Variants in ROR1 observed in about 807,000 individuals in gnomAD.
ROR1 encodes the protein inactive tyrosine-protein kinase transmembrane receptor ROR1.
Under a neutral mutation model 78.8 loss-of-function variants are expected in ROR1, and 19 were observed. The observed-to-expected ratio is 0.24, with a 90% CI of 0.17 to 0.35. ROR1 has a LOEUF of 0.35. ROR1 is among the 10% of genes least tolerant of loss of function. The probability of loss-of-function intolerance (pLI) is 1.00; values close to 1 mark genes in which losing one functional copy is unlikely to be tolerated. For synonymous variants in ROR1, 386 were observed against 433.6 expected (o/e 0.89, Z 1.36); for missense variants, 917 against 1,177.8 (o/e 0.78, Z 3.24).
chr1:63,870,403 T>A (rs572456566), intron 1 of ROR1, among the ~76,000 whole-genome samples: 27 of 152,314 alleles, frequency 1.8e-4, no homozygotes, highest in Admixed American at 7.8e-4. Flanking sequence ...CAGGCTTCAT[T>A]GTCCAAGGCT....
At chr1:64,023,828 G>T (rs1275715253) in intron 2 of ROR1, among the ~76,000 whole-genome samples, 3 of 152,056 alleles carry the variant, frequency 2.0e-5, no homozygotes, top group Non-Finnish European at 4.4e-5. Flanking sequence ...ATATGGTTTG[G>T]CTCTGTGTCC....
rs375873467 is a variant in ROR1, at chr1:64,166,837, G to A, written c.1386+7645G>A. ...GGGTGGAGAAGGTCTGACAGTGAGG[G>A]CTGGGAGGCTGCCCGGTACATAACC... is the stretch of plus-strand genomic sequence containing the variant. On this transcript the variant is annotated intron_variant, in intron 8 of 8. Transcript: ENST00000371079. Among the ~76,000 whole-genome samples the A allele has an allele frequency of 3.5e-4, 53 of 152,286 alleles. 3 individuals are homozygous for A. In the South Asian group the frequency reaches 4.8e-3, roughly 14 times the overall value.
intron 1 of ROR1, among the ~76,000 whole-genome samples, chr1:63,841,879 C>T (rs1645051763): frequency 6.6e-6 from 1 of 151,998 alleles, no homozygotes; most frequent in African/African-American, 2.4e-5. Flanking sequence ...ATCTTTAATC[C>T]AACTCTTCTC....
chr1:64,175,014 T>C (rs1010994151), intron 8 of ROR1, among the ~76,000 whole-genome samples: 13 of 150,550 alleles, frequency 8.6e-5, no homozygotes, highest in Non-Finnish European at 1.5e-4. Flanking sequence ...GTTTTTTTTT[T>C]TTTAAAAAAA....
chr1:64,035,587 T>C (rs1646695934), intron 2 of ROR1, among the ~76,000 whole-genome samples: 1 of 152,164 alleles, frequency 6.6e-6, no homozygotes, highest in African/African-American at 2.4e-5. Flanking sequence ...GAATTTGCAA[T>C]TGGAACTCAG....
chr1:63,948,548 C>G (rs1645909143), intron 1 of ROR1, among the ~76,000 whole-genome samples: 1 of 152,120 alleles, frequency 6.6e-6, no homozygotes, highest in South Asian at 2.1e-4. Flanking sequence ...AGTAGATGTT[C>G]AGTAAAGAAG....
chr1:64,026,487 C>CA (rs1646610807), intron 2 of ROR1, among the ~76,000 whole-genome samples: 2 of 152,146 alleles, frequency 1.3e-5, no homozygotes, highest in Non-Finnish European at 1.5e-5. Flanking sequence ...ACTGTGTATG[C>CA]TGTATTCAAA....
At chr1:64,090,375 T>C (rs1349005507) in intron 4 of ROR1, among the ~76,000 whole-genome samples, 1 of 152,202 alleles carries the variant, frequency 6.6e-6, no homozygotes, top group Non-Finnish European at 1.5e-5. Flanking sequence ...CATTAGTTGA[T>C]GCATTGAAAC....
rs374951293 is a variant in ROR1, at chr1:63,866,420, C to T, written c.91+91912C>T. On this transcript the variant is annotated intron_variant, in intron 1 of 8. Coordinates refer to ENST00000371079, the MANE Select transcript of ROR1 (RefSeq NM_005012.4). ...ATTGCAAAACCCACCAAGGTGTCTA[C>T]GACATCTCCCCAAATGACTTGGAAT... Among the ~76,000 whole-genome samples, 104 of 152,284 alleles carry T rather than the reference C, an allele frequency of 6.8e-4. No homozygotes were observed. The East Asian group carries it at 9.3e-3, about 14-fold the overall frequency.
intron 1 of ROR1, among the ~76,000 whole-genome samples, chr1:63,894,727 G>A (rs1240263901): frequency 6.6e-6 from 1 of 152,198 alleles, no homozygotes; most frequent in Non-Finnish European, 1.5e-5. Context: ...ACTGGGTAGT[G>A]AGTTGGCAAA....
At chr1:64,024,898 T>A (rs1186088165) in intron 2 of ROR1, among the ~76,000 whole-genome samples, 1 of 152,228 alleles carries the variant, frequency 6.6e-6, no homozygotes, top group African/African-American at 2.4e-5. Flanking sequence ...AGTTTATCTC[T>A]AACATATTAA....
intron 8 of ROR1, among the ~76,000 whole-genome samples, chr1:64,173,757 A>G (rs1016176774): frequency 1.3e-5 from 2 of 152,208 alleles, no homozygotes; most frequent in African/African-American, 2.4e-5. Context: ...CCCCAAGGCC[A>G]TGTGTAGGGC....
At chr1:63,940,482 C>T (rs201630658) in intron 1 of ROR1, among the ~76,000 whole-genome samples, 3 of 81,616 alleles carry the variant, frequency 3.7e-5, no homozygotes, top group Non-Finnish European at 6.1e-5. Flanking sequence ...GATAGATAGA[C>T]AGATAGATAG....
In ROR1 at chr1:64,079,470, A is replaced by AC. The variant is rs1553156389; in HGVS notation, c.482+28754_482+28755insC. ...TCTGAGCAAGAGAATCTTGATTGGGATTTTTTTTTTTTCTTTTTTGGAGAC... is the reference window on the plus strand; with the variant it reads ...TCTGAGCAAGAGAATCTTGATTGGGACTTTTTTTTTTTTCTTTTTTGGAGAC... On this transcript the variant is annotated intron_variant, in intron 4 of 8. Transcript: ENST00000371079. 2.9e-4 allele frequency among the ~76,000 whole-genome samples: 43 copies of AC among 146,316 alleles called. 2 individuals are homozygous for AC. In the East Asian group the frequency reaches 8.6e-3, roughly 29 times the overall value.
intron 8 of ROR1, among the ~76,000 whole-genome samples, chr1:64,162,320 GCTC>G (rs2100732486): frequency 6.6e-6 from 1 of 152,322 alleles, no homozygotes; most frequent in Admixed American, 6.5e-5. Context: ...AGAAGAAGAG[GCTC>G]CTGTGGGAGA....
intron 4 of ROR1, among the ~76,000 whole-genome samples, chr1:64,055,314 AT>A (rs1323953379): frequency 6.6e-6 from 1 of 152,262 alleles, no homozygotes; most frequent in Admixed American, 6.5e-5. Flanking sequence ...AATATTTTGC[AT>A]TCAAACTGAG....
chr1:63,925,102 C>T (rs28477248), intron 1 of ROR1, among the ~76,000 whole-genome samples: 3,398 of 149,330 alleles, frequency 0.023, 137 homozygotes, highest in African/African-American at 0.079. Context: ...CATGCTGGTG[C>T]GCTGCACCCA....
chr1:63,824,786 A>G (rs926322092), intron 1 of ROR1, among the ~76,000 whole-genome samples: 5 of 152,224 alleles, frequency 3.3e-5, no homozygotes, highest in Admixed American at 3.3e-4. Context: ...TGAGCAAAGA[A>G]AAAACGCTTT....
intron 4 of ROR1, among the ~76,000 whole-genome samples, chr1:64,069,851 A>T (rs948867471): frequency 2.6e-5 from 4 of 152,176 alleles, no homozygotes; most frequent in African/African-American, 9.7e-5. Flanking sequence ...TATACATGAC[A>T]TAAAATATAC....
Sources: gnomAD v4.1 joint callset for allele counts (sites outside exome capture counted in the v4.1 genomes callset) on GRCh38, gnomAD v4.1.1 for gene constraint, MANE v1.5 for transcripts, NCBI Gene and HGNC (gene_info 2026-07-23, HGNC 2026-07-21) for gene names.